EIF3A: variants seen among roughly 807,000 people sequenced by gnomAD.
EIF3A encodes eukaryotic translation initiation factor 3 subunit A.
Under a neutral mutation model 186.6 loss-of-function variants are expected in EIF3A, and 21 were observed. The observed-to-expected ratio is 0.11, with a 90% CI of 0.08 to 0.16. The LOEUF is 0.16. Among genes scored for constraint, EIF3A ranks in the 10% least tolerant of loss-of-function variants. The pLI, the probability that EIF3A is intolerant of heterozygous loss-of-function variation, is 1.00. For synonymous variants in EIF3A, 563 were observed against 584.3 expected (o/e 0.96, Z 0.52); for missense variants, 1,306 against 1,796.3 (o/e 0.73, Z 4.93).
intron 7 of EIF3A, 59 bp from the exon 8 acceptor site, chr10:119,061,387 G>A: frequency 2.6e-6 from 2 of 772,026 alleles, no homozygotes; most frequent in South Asian, 3.5e-5. Context: ...CTAAAATTCT[G>A]AACTTAGTAT....
At chr10:119,062,922 T>C (rs1317900401) in intron 7 of EIF3A, among the ~76,000 whole-genome samples, 1 of 151,536 alleles carries the variant, frequency 6.6e-6, no homozygotes, top group African/African-American at 2.4e-5. Flanking sequence ...TAATTTTTTT[T>C]TTTTTGTATT....
chr10:119,072,055 A>G (rs867840355), intron 4 of EIF3A, among the ~76,000 whole-genome samples: 2 of 133,158 alleles, frequency 1.5e-5, no homozygotes, highest in Non-Finnish European at 3.1e-5. Flanking sequence ...AAGAAAGAAA[A>G]AAAGAAAGAA....
Position 119,038,416 on chromosome 10 carries a change from CT to C in EIF3A, c.3549del (p.Ala1184ProfsTer100). On this transcript the variant is annotated frameshift_variant, in exon 20 of 22. Coordinates refer to ENST00000369144, the MANE Select transcript of EIF3A (RefSeq NM_003750.4). LOFTEE classifies it high-confidence loss of function. ...VKPGGWREKE[K>X]AREESWGPPR... The stretch of plus-strand genomic sequence containing the variant: ...GGTGGACCCCAGCTCTCCTCTCTGG[CT>C]TTTTCTTTCTCTCTCCATCCACCTG... 6.2e-7 allele frequency: 1 copy of C among 1,613,724 alleles called. No homozygotes were observed. The highest frequency in any genetic ancestry group is 1.1e-5 in the South Asian group (1 of 90,906).
chr10:119,038,808 TACTTG>T, intron 19 of EIF3A, among the ~76,000 whole-genome samples: 1 of 152,112 alleles, frequency 6.6e-6, no homozygotes, highest in East Asian at 1.9e-4. Flanking sequence ...TAGTCCTAGC[TACTTG>T]ACTTAGGAGG....
intron 1 of EIF3A, among the ~76,000 whole-genome samples, chr10:119,076,284 GAT>G (rs1844171661): frequency 7.0e-6 from 1 of 143,468 alleles, no homozygotes; most frequent in African/African-American, 2.6e-5. Flanking sequence ...GGTGAGCCGA[GAT>G]AGCGCCACTG....
chr10:119,050,292 G>A (rs1340746933), intron 16 of EIF3A, among the ~76,000 whole-genome samples: 3 of 152,096 alleles, frequency 2.0e-5, no homozygotes, highest in Non-Finnish European at 4.4e-5. Context: ...ACAGAATACG[G>A]TGATTAAAAA....
intron 9 of EIF3A, 46 bp from the exon 10 acceptor site, chr10:119,059,764 A>G (rs758001156): frequency 2.4e-6 from 3 of 1,270,302 alleles, no homozygotes; most frequent in African/African-American, 2.9e-5. Flanking sequence ...CTGTTTATTC[A>G]GCACTTTTTA....
intron 1 of EIF3A, among the ~76,000 whole-genome samples, chr10:119,077,786 C>CTT (rs1844201598): frequency 6.6e-6 from 1 of 152,054 alleles, no homozygotes; most frequent in Non-Finnish European, 1.5e-5. Flanking sequence ...ATCTCCTGAC[C>CTT]TTGTGATCCA....
Position 119,058,051 on chromosome 10 carries a change from G to A in EIF3A, c.1882C>T (p.His628Tyr). ...EREKERILQEHEQIKKKTVRE... is the reference protein window; with the variant it reads ...EREKERILQEYEQIKKKTVRE... ...ACAGTTTTCTTTTTGATTTGTTCAT[G>A]TTCCTGTAAGATACGCTCCTTCTCT... The change falls in exon 12 of 22, where the codon CAT (histidine) becomes TAT (tyrosine). Residue 628 changes from histidine to tyrosine, a missense_variant. Physicochemically the swap from His to Tyr is moderately conservative, Grantham distance 83. Around this residue, in one of 8 missense-constraint regions of EIF3A, gnomAD observed 94 missense variants for 204.9 expected, o/e 0.46. Transcript: ENST00000369144. 1 of 1,614,174 alleles carries A rather than the reference G, an allele frequency of 6.2e-7. No individual in the cohort carries two copies. Among genetic ancestry groups the A allele is most frequent in the Non-Finnish European group, 8.5e-7 (1 of 1,180,028 alleles).
intron 19 of EIF3A, among the ~76,000 whole-genome samples, 173 bp from the exon 20 acceptor site, chr10:119,038,612 A>C (rs1165757139): frequency 6.6e-6 from 1 of 152,194 alleles, no homozygotes; most frequent in Non-Finnish European, 1.5e-5. Flanking sequence ...CATTAACAGT[A>C]TCTTAAACTT....
At chr10:119,076,317 G>T (rs1844172750) in intron 1 of EIF3A, among the ~76,000 whole-genome samples, 1 of 38,916 alleles carries the variant, frequency 2.6e-5, no homozygotes, top group African/African-American at 9.1e-5. Flanking sequence ...TGGGCAACAA[G>T]TCTCCAAAAA....
chr10:119,059,825 A>T, intron 9 of EIF3A, 107 bp from the exon 10 acceptor site: 3 of 765,574 alleles, frequency 3.9e-6, no homozygotes, highest in East Asian at 2.5e-5. Context: ...CAGAGAATTT[A>T]TGTTAGCAGT....
At chr10:119,063,051 G>T (rs1404675987) in intron 7 of EIF3A, among the ~76,000 whole-genome samples, 1 of 152,068 alleles carries the variant, frequency 6.6e-6, no homozygotes, top group Non-Finnish European at 1.5e-5. Flanking sequence ...ACCGCGCCTA[G>T]CCAAGATCAC....
In EIF3A at chr10:119,042,317, C is replaced by A. The variant is rs201238784; in HGVS notation, c.3203G>T (p.Gly1068Val). Residue 1068 changes from glycine to valine, a missense_variant, in exon 19 of 22, where the codon GGT becomes GTT. Physicochemically the swap from Gly to Val is moderately radical, Grantham distance 109. Around this residue, in one of 8 missense-constraint regions of EIF3A, gnomAD observed 410 missense variants for 473.5 expected, o/e 0.87. Coordinates refer to ENST00000369144, the MANE Select transcript of EIF3A (RefSeq NM_003750.4). This position sits in a 1 kb window ranked among gnomAD's most constrained non-coding sequence, Gnocchi z 7.8. ...SSWRNADDDR[G>V]PRRGLDDDRG... Reference sequence around the variant, plus strand: ...ATCATCATCCAACCCTCGCCTGGGACCCCGGTCATCATCAGCATTACGCCA... The same window carrying A: ...ATCATCATCCAACCCTCGCCTGGGAACCCGGTCATCATCAGCATTACGCCA... 5 of 1,613,484 alleles carry A rather than the reference C, an allele frequency of 3.1e-6. No individual in the cohort carries two copies. The Admixed American group carries it at 5.0e-5, about 16-fold the overall frequency.
In EIF3A at chr10:119,080,816, G is replaced by C. The variant is rs550647605; in HGVS notation, c.-140C>G. ...GCGCCCAGCCGGCCAGAGACGGAAAGGAAGGAGCCACGTGACCTCCCCGCG... is the reference window on the plus strand; with the variant it reads ...GCGCCCAGCCGGCCAGAGACGGAAACGAAGGAGCCACGTGACCTCCCCGCG... On this transcript the variant is annotated 5_prime_UTR_variant, in exon 1 of 22. Coordinates refer to ENST00000369144, the MANE Select transcript of EIF3A (RefSeq NM_003750.4). 2.1e-6 allele frequency: 3 copies of C among 1,415,038 alleles called. No individual in the cohort carries two copies. Among genetic ancestry groups the C allele is most frequent in the South Asian group, 1.5e-5 (1 of 66,708 alleles). The allele number at this position is 1,415,038 out of a possible 1,614,324, so 87.7% of individuals were successfully genotyped here.
intron 14 of EIF3A, among the ~76,000 whole-genome samples, chr10:119,053,493 C>T (rs1344178223): frequency 1.3e-5 from 2 of 148,384 alleles, no homozygotes; most frequent in Admixed American, 6.9e-5. Context: ...AGGCAGACTG[C>T]TTGACTTCAG....
rs192573355 is a variant in EIF3A, at chr10:119,041,617, T to C, written c.3526+377A>G. The stretch of plus-strand genomic sequence containing the variant: ...AGTTCCTCCTTGCATAATCTCTCAG[T>C]TGGCAAAAATAAATATATAAAGTAC... On this transcript the variant is annotated intron_variant, in intron 19 of 21. Transcript: ENST00000369144. Among the ~76,000 whole-genome samples the C allele has an allele frequency of 4.1e-3, 620 of 152,334 alleles. 3 individuals carry two copies. Among genetic ancestry groups the C allele is most frequent in the Non-Finnish European group, 5.2e-3 (354 of 68,032 alleles).
chr10:119,047,680 GA>G lies in EIF3A; in HGVS notation c.2658+2120del. Among the ~76,000 whole-genome samples, 2 of 152,140 alleles carry G rather than the reference GA, an allele frequency of 1.3e-5. 1 individual carries two copies. Among genetic ancestry groups the G allele is most frequent in the East Asian group, 3.9e-4 (2 of 5,182 alleles). ...CACACACACAACTTTGTGCTCAACA[GA>G]AAAAAACATTCATAGAACACAAGGG... On this transcript the variant is annotated intron_variant, in intron 17 of 21. Transcript: ENST00000369144.
rs1456544980 is a variant in EIF3A at position 119,042,629 on chromosome 10, T to C, written c.2891A>G (p.Asp964Gly). The C allele has an allele frequency of 1.2e-6, 2 of 1,614,028 alleles. No individual in the cohort carries two copies. The highest frequency in any genetic ancestry group is 1.7e-6 in the Non-Finnish European group (2 of 1,180,042). ...DDRVPRRGMD[D>G]DRGPRRGPEE... ...AGGACCACGTCTAGGGCCTCTGTCA[T>C]CATCCATGCCACGCCGGGGAACCCG... Residue 964 changes from aspartate (D) to glycine (G), a missense_variant, in exon 19 of 22, where the codon GAT becomes GGT. Asp to Gly is a moderately conservative substitution (Grantham distance 94). Coordinates refer to ENST00000369144, the MANE Select transcript of EIF3A (RefSeq NM_003750.4). The surrounding 1 kb of genome is among the most constrained non-coding windows in gnomAD (Gnocchi z 7.8).
Sources: allele counts gnomAD v4.1 joint callset (sites outside exome capture counted in the v4.1 genomes callset), GRCh38; gene constraint gnomAD v4.1.1; regional missense constraint gnomAD v4.1.1; non-coding constraint Gnocchi (gnomAD v3.1); transcripts MANE v1.5; gene names NCBI Gene and HGNC (gene_info 2026-07-23, HGNC 2026-07-21).